Variants in CRCP observed in about 807,000 individuals in gnomAD.
CRCP encodes CGRP receptor component, also known as DNA-directed RNA polymerase III subunit RPC9.
In CRCP, 18 loss-of-function variants were observed where a neutral mutation model predicts 18.5. The observed-to-expected ratio is 0.97, with a 90% CI of 0.67 to 1.44. The LOEUF (loss-of-function observed/expected upper bound fraction) is 1.44, where lower values mean the gene tolerates loss of function less well. Ranked by LOEUF, CRCP falls within the 40% of genes most tolerant of loss-of-function variation. The pLI is 0.00. For synonymous variants in CRCP, 53 were observed against 62.9 expected (o/e 0.84, Z 0.75); for missense variants, 130 against 176.4 (o/e 0.74, Z 1.49).
chr7:66,130,930 T>G (rs965330200), intron 3 of CRCP, 88 bp downstream of exon 3: 5 of 774,718 alleles, frequency 6.5e-6, no homozygotes, highest in Non-Finnish European at 1.1e-5. Flanking sequence ...GAAATTAAGA[T>G]TGCTTTTTAT....
In CRCP at chr7:66,121,797, G is replaced by A. The variant is rs934977927; in HGVS notation, c.9-5907G>A. Among the ~76,000 whole-genome samples, 3 of 152,106 alleles carry A rather than the reference G, an allele frequency of 2.0e-5. No homozygotes were observed. The East Asian group carries it at 5.8e-4, about 29-fold the overall frequency. Reference sequence around the variant, plus strand: ...CTCTGTACCATCTTTTTGAGGTAGTGTCAGGATTTCTTTCCTTTTACAGCT... The same window carrying A: ...CTCTGTACCATCTTTTTGAGGTAGTATCAGGATTTCTTTCCTTTTACAGCT... On this transcript the variant is annotated intron_variant, in intron 1 of 5. Coordinates refer to ENST00000395326, the MANE Select transcript of CRCP (RefSeq NM_014478.5).
At chr7:66,143,459 C>T (rs62465475) in intron 4 of CRCP, among the ~76,000 whole-genome samples, 5,547 of 152,274 alleles carry the variant, frequency 0.036, 156 homozygotes, top group East Asian at 0.084. Context: ...TTTCTTTCCT[C>T]TGGGCACGTC....
At chr7:66,148,299 T>TTGTAGTGAGCGAAG (rs2116044331) in intron 5 of CRCP, among the ~76,000 whole-genome samples, 3 of 152,006 alleles carry the variant, frequency 2.0e-5, no homozygotes, top group African/African-American at 7.2e-5. Context: ...GAGGCGGAAG[T>TTGTAGTGAGCGAAG]TGTAGTGAGC....
At chr7:66,119,744 T>C (rs1005530593) in intron 1 of CRCP, 1 of 152,264 alleles carries the variant, frequency 6.6e-6, no homozygotes, top group Non-Finnish European at 1.5e-5. Flanking sequence ...TTGTCATATC[T>C]GATGCAATGT....
chr7:66,136,470 T>A (rs1468246186), intron 4 of CRCP, among the ~76,000 whole-genome samples: 2 of 152,098 alleles, frequency 1.3e-5, no homozygotes, highest in African/African-American at 4.8e-5. Flanking sequence ...CCTCAGGTGA[T>A]CCATCCACCT....
At chr7:66,122,935 G>A (rs1787490261) in intron 1 of CRCP, among the ~76,000 whole-genome samples, 1 of 149,532 alleles carries the variant, frequency 6.7e-6, no homozygotes, top group Non-Finnish European at 1.5e-5. Context: ...AATAAAATGA[G>A]TACTATTCTT....
intron 1 of CRCP, chr7:66,126,661 G>T (rs1309841992): frequency 4.7e-6 from 2 of 428,190 alleles, no homozygotes; most frequent in Non-Finnish European, 9.3e-6. Context: ...CAAGTACCAA[G>T]AACTATTCTA....
intron 4 of CRCP, among the ~76,000 whole-genome samples, chr7:66,137,397 GCAAA>G (rs140268943): frequency 0.013 from 2,026 of 152,254 alleles, 55 homozygotes; most frequent in African/African-American, 0.046. Context: ...CGTGGTATTT[GCAAA>G]CAGAGTTTTA....
chr7:66,144,592 C>T (rs538577228), intron 4 of CRCP, among the ~76,000 whole-genome samples: 1 of 152,158 alleles, frequency 6.6e-6, no homozygotes, highest in East Asian at 1.9e-4. Flanking sequence ...CTCTGCCTTC[C>T]GTAGCTGGGA....
chr7:66,134,462 T>G, intron 4 of CRCP, 88 bp downstream of exon 4: 1 of 929,164 alleles, frequency 1.1e-6, no homozygotes, highest in East Asian at 2.5e-5. Flanking sequence ...GATATTCGGC[T>G]GGGTTTGGAT....
At chr7:66,147,903 G>GA (rs1392197794) in intron 5 of CRCP, among the ~76,000 whole-genome samples, 1 of 151,786 alleles carries the variant, frequency 6.6e-6, no homozygotes, top group African/African-American at 2.4e-5. Context: ...TACAAAAAAT[G>GA]AAAAAAATTA....
chr7:66,151,673 CTGTGTGTGTGTGTGTGTGTGTGTG>C (rs1223890806), intron 5 of CRCP, among the ~76,000 whole-genome samples: 2 of 138,584 alleles, frequency 1.4e-5, no homozygotes, highest in South Asian at 2.3e-4. Context: ...CCACTTCTCT[CTGTGTGTGTGTGTGTGTGTGTGTG>C]TGTGTGTGTG....
intron 3 of CRCP, 97 bp downstream of exon 3, chr7:66,130,939 A>G (rs925863165): frequency 1.3e-6 from 1 of 740,838 alleles, no homozygotes; most frequent in Middle Eastern, 2.4e-4. Flanking sequence ...ATTGCTTTTT[A>G]TATGATCTGA....
intron 4 of CRCP, among the ~76,000 whole-genome samples, chr7:66,136,654 G>A (rs142636692): frequency 8.1e-4 from 123 of 152,016 alleles, no homozygotes; most frequent in Middle Eastern, 3.4e-3. Context: ...GTGAGCCACC[G>A]TGCCTGGCCT....
At position 66,134,388 on chromosome 7, in the gene CRCP, T is replaced by G. The variant is rs767788668; in HGVS notation, c.239+14T>G. On this transcript the variant is annotated intron_variant, in intron 4 of 5. Coordinates refer to ENST00000395326, the MANE Select transcript of CRCP (RefSeq NM_014478.5). ...CAAGTTGACCAAGTAAGTAAATCTC[T>G]TAAGTAGGAAGAGCGTGACACATGG... is the stretch of plus-strand genomic sequence containing the variant. 7 of 1,551,094 alleles carry G rather than the reference T, an allele frequency of 4.5e-6. No individual in the cohort carries two copies. Among genetic ancestry groups the G allele is most frequent in the South Asian group, 2.3e-5 (2 of 87,380 alleles).
intron 5 of CRCP, 77 bp downstream of exon 5, chr7:66,145,577 A>G: frequency 1.3e-6 from 2 of 1,517,036 alleles, no homozygotes; most frequent in Non-Finnish European, 1.8e-6. Flanking sequence ...CAAGCCAGGA[A>G]CTGCGTTTTT....
rs529026509 is a variant in CRCP at position 66,147,878 on chromosome 7, G to A, written c.297+2378G>A. Among the ~76,000 whole-genome samples the A allele has an allele frequency of 2.0e-5, 3 of 152,106 alleles. No individual in the cohort carries two copies. In the East Asian group the frequency reaches 5.8e-4, roughly 29 times the overall value. On this transcript the variant is annotated intron_variant, in intron 5 of 5. Coordinates refer to ENST00000395326, the MANE Select transcript of CRCP (RefSeq NM_014478.5). ...ATTCAAAACCAGCCTGGGCAACATAGTAAGACCCCATCTCTACAAAAAATG... is the reference window on the plus strand; with the variant it reads ...ATTCAAAACCAGCCTGGGCAACATAATAAGACCCCATCTCTACAAAAAATG...
chr7:66,132,648 G>T (rs868121464), intron 3 of CRCP, among the ~76,000 whole-genome samples: 1 of 152,152 alleles, frequency 6.6e-6, no homozygotes, highest in Non-Finnish European at 1.5e-5. Context: ...GGGCGTGGTG[G>T]CTCACACTTG....
chr7:66,122,108 G>A (rs1486625425), intron 1 of CRCP, among the ~76,000 whole-genome samples: 2 of 152,154 alleles, frequency 1.3e-5, no homozygotes, highest in African/African-American at 4.8e-5. Context: ...GGGCACAGTG[G>A]CTCACGCCTG....
Sources: allele counts gnomAD v4.1 joint callset (sites outside exome capture counted in the v4.1 genomes callset), GRCh38; gene constraint gnomAD v4.1.1; transcripts MANE v1.5; gene names NCBI Gene and HGNC (gene_info 2026-07-23, HGNC 2026-07-21).